ROBO2: variants seen among roughly 807,000 people sequenced by gnomAD.
The protein encoded by ROBO2 is roundabout homolog 2.
In ROBO2, 53 loss-of-function variants were observed where a neutral mutation model predicts 160.8. The ratio of observed to expected loss-of-function variants is 0.33; its 90% CI spans 0.26 to 0.41. ROBO2 has a LOEUF of 0.41. Among genes scored for constraint, ROBO2 ranks in the 10% least tolerant of loss-of-function variants. ROBO2 has a pLI of 1.00. For missense variants in ROBO2, 1,577 were observed against 1,722.4 expected, an observed-to-expected ratio of 0.92 and a Z score of 1.49; for synonymous variants, 664 against 611.7, an observed-to-expected ratio of 1.09 and a Z score of -1.26.
At chr3:76,347,840 C>T (rs1245458348) in intron 2 of ROBO2, among the ~76,000 whole-genome samples, 4 of 152,014 alleles carry the variant, frequency 2.6e-5, no homozygotes. Flanking sequence ...CAAGTGGCCC[C>T]AAACATCATA....
At chr3:76,535,043 C>T (rs534903618) in intron 2 of ROBO2, among the ~76,000 whole-genome samples, 1 of 152,036 alleles carries the variant, frequency 6.6e-6, no homozygotes, top group East Asian at 1.9e-4. Context: ...GGGTGAGTTG[C>T]TGGGACTGGT....
chr3:77,113,248 T>A (rs986306176), intron 2 of ROBO2, among the ~76,000 whole-genome samples: 7 of 152,216 alleles, frequency 4.6e-5, no homozygotes, highest in African/African-American at 1.7e-4. Flanking sequence ...GATTTATTTT[T>A]ATTTTCTTCC....
At chr3:76,394,099 T>C (rs562360235) in intron 2 of ROBO2, among the ~76,000 whole-genome samples, 2 of 152,270 alleles carry the variant, frequency 1.3e-5, no homozygotes, top group African/African-American at 4.8e-5. Flanking sequence ...GTCTGTGTCT[T>C]TTAATTGTAG....
intron 2 of ROBO2, among the ~76,000 whole-genome samples, chr3:76,899,618 G>A (rs1029236731): frequency 2.0e-5 from 3 of 151,988 alleles, no homozygotes; most frequent in Non-Finnish European, 2.9e-5. Context: ...TAACAAAGAC[G>A]TGCTATTTTT....
intron 8 of ROBO2, among the ~76,000 whole-genome samples, chr3:77,552,487 G>T (rs966664945): frequency 1.3e-5 from 2 of 151,964 alleles, no homozygotes; most frequent in Non-Finnish European, 2.9e-5. Context: ...ACAATTAATG[G>T]AAAACCTTTG....
chr3:76,986,878 C>T (rs2060409494), intron 2 of ROBO2, among the ~76,000 whole-genome samples: 1 of 145,908 alleles, frequency 6.9e-6, no homozygotes, highest in Admixed American at 6.7e-5. Context: ...TAAGTAAACC[C>T]CTAGGCTGAG....
chr3:76,909,842 A>G (rs1267255059), intron 2 of ROBO2, among the ~76,000 whole-genome samples: 1 of 152,352 alleles, frequency 6.6e-6, no homozygotes, highest in East Asian at 1.9e-4. Context: ...CTATTTTTAC[A>G]TTTCTTCTCC....
chr3:76,528,056 C>G (rs576635677), intron 2 of ROBO2, among the ~76,000 whole-genome samples: 1 of 152,096 alleles, frequency 6.6e-6, no homozygotes, highest in East Asian at 1.9e-4. Flanking sequence ...AGGACCTTAG[C>G]TCTTACTTTG....
chr3:77,516,451 G>C (rs140668159), intron 5 of ROBO2, among the ~76,000 whole-genome samples: 33 of 151,608 alleles, frequency 2.2e-4, no homozygotes, highest in African/African-American at 8.0e-4. Context: ...CCAAAATAAT[G>C]AGCTTATATA....
chr3:76,035,180 T>A (rs2067064077), intron 2 of ROBO2, among the ~76,000 whole-genome samples: 1 of 140,146 alleles, frequency 7.1e-6, no homozygotes, highest in Admixed American at 7.5e-5. Flanking sequence ...GGACTACATG[T>A]AAATATATCT....
At chr3:77,094,644 A>G (rs1259362726) in intron 1 of ROBO2, among the ~76,000 whole-genome samples, 1 of 152,188 alleles carries the variant, frequency 6.6e-6, no homozygotes, top group Non-Finnish European at 1.5e-5. Flanking sequence ...ATTTAAATTC[A>G]CACTAGCAAT....
intron 2 of ROBO2, among the ~76,000 whole-genome samples, chr3:76,778,098 T>C (rs761360865): frequency 4.0e-5 from 6 of 150,914 alleles, no homozygotes; most frequent in Non-Finnish European, 8.9e-5. Context: ...TGGTGTGTAG[T>C]GTCAGGATGT....
At chr3:76,178,514 C>G (rs2073310056) in intron 2 of ROBO2, among the ~76,000 whole-genome samples, 1 of 152,118 alleles carries the variant, frequency 6.6e-6, no homozygotes, top group Non-Finnish European at 1.5e-5. Context: ...AAAGGGAACA[C>G]AGAAAATTAT....
intron 2 of ROBO2, among the ~76,000 whole-genome samples, chr3:76,954,979 A>G (rs1402376291): frequency 2.0e-5 from 3 of 152,146 alleles, no homozygotes; most frequent in African/African-American, 4.8e-5. Context: ...CTTTACCTCA[A>G]GTTTCTTAAT....
At chr3:77,305,357 A>T (rs1164844615) in intron 2 of ROBO2, among the ~76,000 whole-genome samples, 1 of 152,192 alleles carries the variant, frequency 6.6e-6, no homozygotes, top group East Asian at 1.9e-4. Flanking sequence ...CAAATCACTG[A>T]TGGCTTTTTC....
chr3:76,936,962 C>T (rs182702783), intron 2 of ROBO2, among the ~76,000 whole-genome samples: 7 of 152,044 alleles, frequency 4.6e-5, no homozygotes, highest in Admixed American at 3.3e-4. Context: ...TGAAGACTAG[C>T]GTCTAAATTA....
chr3:77,522,742 C>T (rs767347337), intron 5 of ROBO2, 33 bp from the exon 6 acceptor site: 5 of 1,597,942 alleles, frequency 3.1e-6, no homozygotes, highest in Admixed American at 1.7e-5. Flanking sequence ...ATAGCTACTA[C>T]TATTTAATAA....
At chr3:76,028,377 T>A (rs2066811834) in intron 2 of ROBO2, among the ~76,000 whole-genome samples, 1 of 151,908 alleles carries the variant, frequency 6.6e-6, no homozygotes, top group African/African-American at 2.4e-5. Context: ...TAATAAGAGT[T>A]ATATAACCTT....
intron 1 of ROBO2, among the ~76,000 whole-genome samples, chr3:77,075,672 CTTT>C (rs1174587812): frequency 4.6e-5 from 4 of 87,252 alleles, no homozygotes; most frequent in East Asian, 4.4e-4. Flanking sequence ...TTTCTTTCTC[CTTT>C]TTTTTTTTTT....
Sources: gnomAD v4.1 joint callset for allele counts (sites outside exome capture counted in the v4.1 genomes callset) on GRCh38, gnomAD v4.1.1 for gene constraint, MANE v1.5 for transcripts, NCBI Gene and HGNC (gene_info 2026-07-23, HGNC 2026-07-21) for gene names.